Variants in IGSF9B observed in about 807,000 individuals in gnomAD.
The protein encoded by IGSF9B is protein turtle homolog B.
In IGSF9B, 48 loss-of-function variants were observed where a neutral mutation model predicts 143.7. The observed-to-expected ratio is 0.33, with a 90% CI of 0.26 to 0.42. The LOEUF (loss-of-function observed/expected upper bound fraction) is 0.42. IGSF9B is among the 20% of genes least tolerant of loss of function. The pLI is 1.00. For missense variants in IGSF9B, 1,706 were observed against 1,980.0 expected, an observed-to-expected ratio of 0.86 and a Z score of 2.63; for synonymous variants, 903 against 833.1, an observed-to-expected ratio of 1.08 and a Z score of -1.44.
chr11:133,909,408 G>A lies in IGSF9B; in HGVS notation c.4106-131C>T. ...GAAACAAAGGAATCACCTGAGTCTA[G>A]AGAGACCAGACCGAATTGCTGCAGA... is the stretch of plus-strand genomic sequence containing the variant. On this transcript the variant is annotated intron_variant, in intron 19 of 19. Coordinates refer to ENST00000533871, the MANE Select transcript of IGSF9B (RefSeq NM_001277285.4). This position sits in a 1 kb window ranked among gnomAD's most constrained non-coding sequence, Gnocchi z 4.2. 1.3e-6 allele frequency: 1 copy of A among 759,200 alleles called. No homozygotes were observed. The highest frequency in any genetic ancestry group is 2.4e-5 in the Admixed American group (1 of 42,238). 47.0% of individuals were successfully genotyped at this position (759,200 alleles called of 1,614,324 possible).
intron 11 of IGSF9B, 47 bp from the exon 12 acceptor site, chr11:133,929,829 GTGGCTGGGTGCCCACCGTC>G: frequency 3.8e-6 from 5 of 1,322,672 alleles, no homozygotes; most frequent in Non-Finnish European, 5.4e-6. Flanking sequence ...ACTCAGCCAC[GTGGCTGGGTGCCCACCGTC>G]TGGCTGTGGG....
rs1939191342 is a variant in IGSF9B, at chr11:133,905,029, A to G, written c.*4040T>C. Among the ~76,000 whole-genome samples, 1 of 150,596 alleles carries G rather than the reference A, an allele frequency of 6.6e-6. No individual in the cohort carries two copies. The highest frequency in any genetic ancestry group is 2.1e-4 in the South Asian group (1 of 4,732). ...CCCGGTGGGAATGTGCACAGCTCCT[A>G]GAGTACCACAGAGGCTGGACTCAAC... On this transcript the variant is annotated 3_prime_UTR_variant, in exon 20 of 20. Coordinates refer to ENST00000533871, the MANE Select transcript of IGSF9B (RefSeq NM_001277285.4). The surrounding 1 kb of genome is among the most constrained non-coding windows in gnomAD (Gnocchi z 4.0).
At chr11:133,941,842 C>T (rs927979774) in intron 3 of IGSF9B, among the ~76,000 whole-genome samples, 8 of 152,148 alleles carry the variant, frequency 5.3e-5, no homozygotes, top group Non-Finnish European at 1.2e-4. Flanking sequence ...ACTCCACTTC[C>T]CACCTGCACG....
rs796279905 is a variant in IGSF9B at position 133,909,409 on chromosome 11, A to G, written c.4106-132T>C. 9.2e-6 allele frequency: 7 copies of G among 759,546 alleles called. No homozygotes were observed. Among genetic ancestry groups the G allele is most frequent in the African/African-American group, 5.2e-5 (3 of 57,470 alleles). The allele number at this position is 759,546 out of a possible 1,614,324, so 47.1% of individuals were successfully genotyped here. ...AAACAAAGGAATCACCTGAGTCTAG[A>G]GAGACCAGACCGAATTGCTGCAGAG... On this transcript the variant is annotated intron_variant, in intron 19 of 19. Transcript: ENST00000533871. This position sits in a 1 kb window ranked among gnomAD's most constrained non-coding sequence, Gnocchi z 4.2.
Position 133,902,276 on chromosome 11 carries a change from ACAC to A in IGSF9B, c.*6790_*6792del, listed in dbSNP as rs1218720676. Among the ~76,000 whole-genome samples, 1 of 147,574 alleles carries A rather than the reference ACAC, an allele frequency of 6.8e-6. No homozygotes were observed. ...ACCACACACACTGCATCACACACAC[ACAC>A]ACCAGACACATCACACATACACGCA... On this transcript the variant is annotated 3_prime_UTR_variant, in exon 20 of 20. Transcript: ENST00000533871.
Position 133,919,439 on chromosome 11 carries a change from C to T in IGSF9B, c.3983+303G>A, listed in dbSNP as rs113081179. On this transcript the variant is annotated intron_variant, in intron 18 of 19. Coordinates refer to ENST00000533871, the MANE Select transcript of IGSF9B (RefSeq NM_001277285.4). ...CTCCAAGAGGGACGGGGTCCACCCC[C>T]GCAAGGGCACGCGCTGTGATCCGCC... Among the ~76,000 whole-genome samples the T allele has an allele frequency of 8.8e-3, 1,343 of 152,336 alleles. 15 individuals are homozygous for T. The highest frequency in any genetic ancestry group is 0.025 in the African/African-American group (1,051 of 41,582).
At chr11:133,954,546 G>T (rs1940216843) in intron 1 of IGSF9B, among the ~76,000 whole-genome samples, 1 of 152,198 alleles carries the variant, frequency 6.6e-6, no homozygotes, top group Non-Finnish European at 1.5e-5. Flanking sequence ...TGTTTACTGA[G>T]CACGTACTAT....
chr11:133,956,651 G>A, intron 1 of IGSF9B, 40 bp downstream of exon 1: 6 of 1,423,534 alleles, frequency 4.2e-6, no homozygotes, highest in African/African-American at 1.5e-5. Flanking sequence ...GGCCGAGGGC[G>A]CCGGGAGGGG....
intron 18 of IGSF9B, among the ~76,000 whole-genome samples, chr11:133,918,071 G>C (rs1237578566): frequency 6.6e-6 from 1 of 151,786 alleles, no homozygotes; most frequent in Non-Finnish European, 1.5e-5. Context: ...AGAAGCTGCA[G>C]CTAGGCGGTG....
rs958200112 is a variant in IGSF9B, at chr11:133,946,173, T to C, written c.150A>G (p.Pro50=). 8 of 1,613,478 alleles carry C rather than the reference T, an allele frequency of 5.0e-6. No homozygotes were observed. The highest frequency in any genetic ancestry group is 6.8e-6 in the Non-Finnish European group (8 of 1,179,784). The change falls in exon 2 of 20, where the codon CCA becomes CCG. Residue 50 remains proline, a synonymous_variant. Transcript: ENST00000533871. ...CATAGGGTGGGGGCTGTCCCGTCACTGGGTGGATCACGTCGCATCGCAGGA... is the reference window on the plus strand; with the variant it reads ...CATAGGGTGGGGGCTGTCCCGTCACCGGGTGGATCACGTCGCATCGCAGGA... ...SVVLRCDVIH[P]VTGQPPPYVV...
chr11:133,909,299 C>G lies in IGSF9B; in HGVS notation c.4106-22G>C. On this transcript the variant is annotated intron_variant, in intron 19 of 19. Transcript: ENST00000533871. The surrounding 1 kb of genome is among the most constrained non-coding windows in gnomAD (Gnocchi z 4.2). ...TCGTCTAGGAAGAAAGGAAGAGGGA[C>G]GCAAAAGAGAAGCAAGCGGATGAAA... is the stretch of plus-strand genomic sequence containing the variant. The G allele has an allele frequency of 6.6e-7, 1 of 1,521,184 alleles. No homozygotes were observed. 94.2% of individuals were successfully genotyped at this position (1,521,184 alleles called of 1,614,324 possible). A position where few individuals can be genotyped will look rare whatever the true frequency, so the allele number is the denominator to read the frequency against.
chr11:133,930,948 T>A (rs1482771198), intron 11 of IGSF9B, 36 bp downstream of exon 11: 1 of 1,570,194 alleles, frequency 6.4e-7, no homozygotes, highest in Admixed American at 1.8e-5. Context: ...GCCTGCTCTG[T>A]CCCCGCCGCC....
In IGSF9B at chr11:133,948,081, G is replaced by GTGTGTGTC. The variant is rs1484156482; in HGVS notation, c.65-1824_65-1823insGACACACA. On this transcript the variant is annotated intron_variant, in intron 1 of 19. Coordinates refer to ENST00000533871, the MANE Select transcript of IGSF9B (RefSeq NM_001277285.4). This position sits in a 1 kb window ranked among gnomAD's most constrained non-coding sequence, Gnocchi z 4.7. ...CGTGTGTGTGTGTGTGTGTGTGTGTGTGTGTGTGTCTGTGTGTGTTTCGGT... is the reference window on the plus strand; with the variant it reads ...CGTGTGTGTGTGTGTGTGTGTGTGTGTGTGTGTCTGTGTGTGTCTGTGTGTGTTTCGGT... Among the ~76,000 whole-genome samples the GTGTGTGTC allele has an allele frequency of 1.9e-5, 2 of 108,058 alleles. No homozygotes were observed. Among genetic ancestry groups the GTGTGTGTC allele is most frequent in the Admixed American group, 9.5e-5 (1 of 10,554 alleles). The allele number at this position is 108,058 out of a possible 152,430, so 70.9% of individuals were successfully genotyped here. A position where few individuals can be genotyped will look rare whatever the true frequency, so the allele number is the denominator to read the frequency against.
rs1939667315 is a variant in IGSF9B, at chr11:133,928,388, A to G, written c.1631+1283T>C. Among the ~76,000 whole-genome samples the G allele has an allele frequency of 6.6e-6, 1 of 151,840 alleles. No homozygotes were observed. The highest frequency in any genetic ancestry group is 2.4e-5 in the African/African-American group (1 of 41,332). On this transcript the variant is annotated intron_variant, in intron 12 of 19. Coordinates refer to ENST00000533871, the MANE Select transcript of IGSF9B (RefSeq NM_001277285.4). This position sits in a 1 kb window ranked among gnomAD's most constrained non-coding sequence, Gnocchi z 4.7. ...CAATCAGAATCAAGACACCCAGGAC[A>G]CTCCGCCCGGGAAGCAGCCACCGAA...
rs1385480795 is a variant in IGSF9B, at chr11:133,907,090, T to C, written c.*1979A>G. 1.3e-5 allele frequency among the ~76,000 whole-genome samples: 2 copies of C among 151,992 alleles called. No individual in the cohort carries two copies. The highest frequency in any genetic ancestry group is 3.9e-4 in the East Asian group (2 of 5,176). Reference sequence around the variant, plus strand: ...AAGCACATCAACTGGAAGGCCCAGGTTCCACCCCAAGGGTGCACGGCCCAG... The same window carrying C: ...AAGCACATCAACTGGAAGGCCCAGGCTCCACCCCAAGGGTGCACGGCCCAG... On this transcript the variant is annotated 3_prime_UTR_variant, in exon 20 of 20. Transcript: ENST00000533871.
In IGSF9B at chr11:133,953,170, C is replaced by T. The variant is rs1940193913; in HGVS notation, c.64+3521G>A. On this transcript the variant is annotated intron_variant, in intron 1 of 19. Coordinates refer to ENST00000533871, the MANE Select transcript of IGSF9B (RefSeq NM_001277285.4). The surrounding 1 kb of genome is among the most constrained non-coding windows in gnomAD (Gnocchi z 4.2). ...GATGCTGGGGCTCAGAATCTTCCAGCGAGGCAGCCTCTGCTCCTCTGTAAC... is the reference window on the plus strand; with the variant it reads ...GATGCTGGGGCTCAGAATCTTCCAGTGAGGCAGCCTCTGCTCCTCTGTAAC... Among the ~76,000 whole-genome samples the T allele has an allele frequency of 1.3e-5, 2 of 152,148 alleles. No homozygotes were observed. Among genetic ancestry groups the T allele is most frequent in the Admixed American group, 6.5e-5 (1 of 15,286 alleles).
chr11:133,947,957 G>A (rs1940086347), intron 1 of IGSF9B, among the ~76,000 whole-genome samples: 3 of 151,850 alleles, frequency 2.0e-5, no homozygotes, highest in African/African-American at 7.3e-5. Flanking sequence ...ATGTCTTTCT[G>A]TGTCTCCCTC....
rs1449653081 is a variant in IGSF9B, at chr11:133,913,753, G to C, written c.3984-1746C>G. Among the ~76,000 whole-genome samples, 1 of 152,238 alleles carries C rather than the reference G, an allele frequency of 6.6e-6. No individual in the cohort carries two copies. The highest frequency in any genetic ancestry group is 2.4e-5 in the African/African-American group (1 of 41,456). Reference sequence around the variant, plus strand: ...GGGAAGGCAGACAAAGGGTGCAGGTGCCCGGGCGGGAGGCAGCACACCTTC... The same window carrying C: ...GGGAAGGCAGACAAAGGGTGCAGGTCCCCGGGCGGGAGGCAGCACACCTTC... On this transcript the variant is annotated intron_variant, in intron 18 of 19. Coordinates refer to ENST00000533871, the MANE Select transcript of IGSF9B (RefSeq NM_001277285.4). This position sits in a 1 kb window ranked among gnomAD's most constrained non-coding sequence, Gnocchi z 4.6.
At chr11:133,940,889 G>A (rs1447861585) in intron 3 of IGSF9B, among the ~76,000 whole-genome samples, 2 of 152,242 alleles carry the variant, frequency 1.3e-5, no homozygotes, top group African/African-American at 4.8e-5. Context: ...GGGGTCCTGG[G>A]ATCCTAACTT....
Sources: gnomAD v4.1 joint callset for allele counts (sites outside exome capture counted in the v4.1 genomes callset) on GRCh38, gnomAD v4.1.1 for gene constraint, Gnocchi (gnomAD v3.1) non-coding constraint, MANE v1.5 for transcripts, NCBI Gene and HGNC (gene_info 2026-07-23, HGNC 2026-07-21) for gene names.